Variants in FGF14 observed in about 807,000 individuals in gnomAD.
FGF14 encodes the protein fibroblast growth factor homologous factor 4.
In FGF14, 5 loss-of-function variants were observed where a neutral mutation model predicts 25.5. That is an observed-to-expected ratio of 0.20 (90% CI 0.10 to 0.41). FGF14 has a LOEUF of 0.41. Among genes scored for constraint, FGF14 ranks in the 10% least tolerant of loss-of-function variants. The pLI, the probability that FGF14 is intolerant of heterozygous loss-of-function variation, is 1.00. For synonymous variants in FGF14, 138 were observed against 118.3 expected, an observed-to-expected ratio of 1.17 and a Z score of -1.08; for missense variants, 222 against 320.1, an observed-to-expected ratio of 0.69 and a Z score of 2.34.
intron 1 of FGF14, among the ~76,000 whole-genome samples, chr13:102,308,311 C>G (rs1432208189): frequency 6.6e-6 from 1 of 152,172 alleles, no homozygotes; most frequent in Non-Finnish European, 1.5e-5. Context: ...TACATTCAAT[C>G]CTGATTACAA....
intron 1 of FGF14, among the ~76,000 whole-genome samples, chr13:102,076,446 G>A (rs2043367219): frequency 6.6e-6 from 1 of 152,070 alleles, no homozygotes; most frequent in South Asian, 2.1e-4. Context: ...TACCATCTAG[G>A]CTTCTGTAAG....
At chr13:102,188,795 C>A (rs2048972719) in intron 1 of FGF14, among the ~76,000 whole-genome samples, 1 of 151,364 alleles carries the variant, frequency 6.6e-6, no homozygotes, top group Non-Finnish European at 1.5e-5. Context: ...ACAAAAATTA[C>A]CTGGGCATGG....
chr13:102,364,810 C>T (rs184333357), intron 1 of FGF14, among the ~76,000 whole-genome samples: 16 of 152,254 alleles, frequency 1.1e-4, no homozygotes, highest in African/African-American at 3.6e-4. Context: ...AGCATCAGCA[C>T]ACAACACAGC....
intron 1 of FGF14, among the ~76,000 whole-genome samples, chr13:102,300,510 A>C (rs1411399349): frequency 2.6e-5 from 4 of 152,114 alleles, no homozygotes; most frequent in Non-Finnish European, 4.4e-5. Flanking sequence ...TCATCCTCTC[A>C]GTTGCTCAAG....
rs58615099 is a variant in FGF14, at chr13:101,816,269, C to CA, written c.408+52455dup. On this transcript the variant is annotated intron_variant, in intron 3 of 4. Transcript: ENST00000376143. ...TGGGGAACAGAGAGAGACTCCGTCT[C>CA]AAAAAAAAAAAAAAAATTTGGCTTA... Among the ~76,000 whole-genome samples, 832 of 88,954 alleles carry CA rather than the reference C, an allele frequency of 9.4e-3. 24 individuals are homozygous for CA. Among genetic ancestry groups the CA allele is most frequent in the Middle Eastern group, 0.029 (4 of 138 alleles). 58.4% of individuals were successfully genotyped at this position (88,954 alleles called of 152,430 possible). A position where few individuals can be genotyped will look rare whatever the true frequency, so the allele number is the denominator to read the frequency against.
chr13:102,034,091 GC>G (rs1173820492), intron 1 of FGF14, among the ~76,000 whole-genome samples: 1 of 152,088 alleles, frequency 6.6e-6, no homozygotes, highest in Non-Finnish European at 1.5e-5. Flanking sequence ...TTATCTAACA[GC>G]AGGAAAGGAG....
At chr13:102,260,656 G>C (rs1255170264) in intron 1 of FGF14, among the ~76,000 whole-genome samples, 1 of 152,224 alleles carries the variant, frequency 6.6e-6, no homozygotes, top group Non-Finnish European at 1.5e-5. Context: ...GAGGCAAAAC[G>C]GGCATCAGGA....
At chr13:101,976,422 C>T (rs1162585098) in intron 1 of FGF14, among the ~76,000 whole-genome samples, 1 of 152,062 alleles carries the variant, frequency 6.6e-6, no homozygotes, top group Non-Finnish European at 1.5e-5. Context: ...ACCATAATTA[C>T]AAATGGGCTG....
intron 3 of FGF14, among the ~76,000 whole-genome samples, chr13:101,820,972 CAG>C (rs765988875): frequency 5.8e-4 from 87 of 149,006 alleles, no homozygotes; most frequent in Non-Finnish European, 9.2e-4. Flanking sequence ...TTTTTTGAGA[CAG>C]AGTCTCGCTG....
chr13:102,237,376 CA>C (rs1422274478), intron 1 of FGF14, among the ~76,000 whole-genome samples: 1 of 152,166 alleles, frequency 6.6e-6, no homozygotes, highest in East Asian at 1.9e-4. Flanking sequence ...CCAGCCCCAG[CA>C]AAAGCCCCGG....
chr13:102,182,218 G>A (rs1431114516), intron 1 of FGF14, among the ~76,000 whole-genome samples: 3 of 152,076 alleles, frequency 2.0e-5, no homozygotes, highest in Admixed American at 2.0e-4. Flanking sequence ...TACATTCCCG[G>A]CCTTGAATAT....
chr13:101,800,092 A>G (rs2040786151), intron 3 of FGF14, among the ~76,000 whole-genome samples: 1 of 152,174 alleles, frequency 6.6e-6, no homozygotes. Flanking sequence ...TTAATGAGTT[A>G]GCATTTTAGA....
chr13:101,933,827 CA>C (rs1281672285), intron 1 of FGF14, among the ~76,000 whole-genome samples: 1 of 151,654 alleles, frequency 6.6e-6, no homozygotes, highest in African/African-American at 2.4e-5. Context: ...TTTAGATAAC[CA>C]AATATTACTC....
intron 1 of FGF14, among the ~76,000 whole-genome samples, chr13:102,009,049 C>T (rs565166832): frequency 1.3e-5 from 2 of 152,046 alleles, no homozygotes; most frequent in Non-Finnish European, 1.5e-5. Flanking sequence ...AATATAAAAG[C>T]CATACATGTC....
chr13:101,799,311 G>C (rs953472803), intron 3 of FGF14, among the ~76,000 whole-genome samples: 14 of 151,970 alleles, frequency 9.2e-5, no homozygotes, highest in Non-Finnish European at 4.4e-5. Context: ...CCAAAGGATA[G>C]AGAAGTCACA....
chr13:102,208,088 A>G (rs2050011388), intron 1 of FGF14, among the ~76,000 whole-genome samples: 1 of 152,242 alleles, frequency 6.6e-6, no homozygotes, highest in African/African-American at 2.4e-5. Context: ...ATAGCATTTG[A>G]AAAACATAAG....
chr13:102,127,195 A>C (rs756709441), intron 1 of FGF14, among the ~76,000 whole-genome samples: 2 of 152,112 alleles, frequency 1.3e-5, no homozygotes, highest in African/African-American at 4.8e-5. Context: ...CATTTGTCTC[A>C]TAAGTAAAAA....
chr13:102,023,933 T>C (rs751751558), intron 1 of FGF14, among the ~76,000 whole-genome samples: 18 of 152,020 alleles, frequency 1.2e-4, no homozygotes, highest in Non-Finnish European at 2.5e-4. Context: ...GGGAGAATAG[T>C]TGTGGTCCCA....
intron 3 of FGF14, among the ~76,000 whole-genome samples, chr13:101,838,464 G>A (rs1033035386): frequency 6.6e-6 from 1 of 151,964 alleles, no homozygotes; most frequent in Admixed American, 6.6e-5. Context: ...ATATGCATGG[G>A]AGTCACTATC....
Sources: allele counts gnomAD v4.1 joint callset (sites outside exome capture counted in the v4.1 genomes callset), GRCh38; gene constraint gnomAD v4.1.1; transcripts MANE v1.5; gene names NCBI Gene and HGNC (gene_info 2026-07-23, HGNC 2026-07-21).